The following MYO10 variants were observed in gnomAD, a reference collection of about 807,000 sequenced individuals.
MYO10 encodes unconventional myosin-X.
MYO10 carries 133 observed loss-of-function variants against 257.3 expected under a neutral mutation model. The observed-to-expected ratio is 0.52, with a 90% confidence interval of 0.45 to 0.60. MYO10 has a LOEUF of 0.60. Among genes scored for constraint, MYO10 ranks in the 20% least tolerant of loss-of-function variants. The probability of loss-of-function intolerance (pLI) is 0.00; values close to 1 mark genes in which losing one functional copy is unlikely to be tolerated. For missense variants in MYO10, 2,399 were observed against 2,635.7 expected (o/e 0.91, Z 1.97); for synonymous variants, 1,104 against 1,028.6 (o/e 1.07, Z -1.40).
In MYO10 at chr5:16,718,035, C is replaced by CCGCACT. The variant is rs552522464; in HGVS notation, c.1930-6796_1930-6791dup. On this transcript the variant is annotated intron_variant, in intron 19 of 40. Transcript: ENST00000513610. Reference sequence around the variant, plus strand: ...CGGGTGGGCGTGGGCTTGGTGGGCCCCGCACTCGGAGCAGCCAGCCAGCCC... The same window carrying CCGCACT: ...CGGGTGGGCGTGGGCTTGGTGGGCCCCGCACTCGCACTCGGAGCAGCCAGCCAGCCC... 1.5e-3 allele frequency among the ~76,000 whole-genome samples: 223 copies of CCGCACT among 152,332 alleles called. 1 individual carries two copies. The highest frequency in any genetic ancestry group is 5.1e-3 in the African/African-American group (211 of 41,576).
chr5:16,816,040 TAAA>T (rs570072651), intron 3 of MYO10, among the ~76,000 whole-genome samples: 19 of 91,958 alleles, frequency 2.1e-4, no homozygotes, highest in Admixed American at 4.8e-4. Context: ...TTTCACAGTG[TAAA>T]AAAAAAAAAA....
intron 1 of MYO10, among the ~76,000 whole-genome samples, chr5:16,886,809 G>C (rs1744909470): frequency 6.6e-6 from 1 of 151,732 alleles, no homozygotes; most frequent in African/African-American, 2.4e-5. Context: ...GCACGGGCTT[G>C]TAATCTCAGC....
intron 3 of MYO10, among the ~76,000 whole-genome samples, chr5:16,809,173 A>AG (rs1459667323): frequency 2.5e-4 from 38 of 151,882 alleles, no homozygotes; most frequent in Non-Finnish European, 4.9e-4. Flanking sequence ...TGTGGAAAAA[A>AG]AAAAAAGCCA....
intron 19 of MYO10, among the ~76,000 whole-genome samples, chr5:16,731,798 G>A (rs372148510): frequency 1.3e-5 from 2 of 152,226 alleles, no homozygotes; most frequent in South Asian, 2.1e-4. Flanking sequence ...CTTGGGATAG[G>A]GCGGCTCCCC....
At chr5:16,887,135 G>A (rs1458941467) in intron 1 of MYO10, among the ~76,000 whole-genome samples, 2 of 152,078 alleles carry the variant, frequency 1.3e-5, no homozygotes, top group African/African-American at 4.8e-5. Flanking sequence ...CACCGGATGG[G>A]AAGGATCGAA....
At chr5:16,837,970 G>C (rs1415524470) in intron 2 of MYO10, among the ~76,000 whole-genome samples, 1 of 151,950 alleles carries the variant, frequency 6.6e-6, no homozygotes, top group Non-Finnish European at 1.5e-5. Flanking sequence ...TTGTTTGGGG[G>C]CGCCACAAAC....
chr5:16,669,548 G>A (rs1458896692), intron 39 of MYO10, among the ~76,000 whole-genome samples: 1 of 152,156 alleles, frequency 6.6e-6, no homozygotes, highest in East Asian at 1.9e-4. Flanking sequence ...CGTTTTGCAG[G>A]AAGCCAAGAG....
In MYO10 at chr5:16,713,298, C is replaced by T. The variant is rs747799317; in HGVS notation, c.1930-2053G>A. 9.1e-6 allele frequency: 9 copies of T among 985,084 alleles called. No individual in the cohort carries two copies. In the African/African-American group the frequency reaches 1.6e-4, roughly 17 times the overall value. 61.0% of individuals were successfully genotyped at this position (985,084 alleles called of 1,614,324 possible). ...AACTAAAGATATTACACCAAAAGGG[C>T]CTCCCCATCCAAAAAGTTCAGCCAC... is the stretch of plus-strand genomic sequence containing the variant. On this transcript the variant is annotated intron_variant, in intron 19 of 40. Transcript: ENST00000513610.
Position 16,805,331 on chromosome 5 carries a change from G to A in MYO10, c.280-10498C>T, listed in dbSNP as rs141391159. On this transcript the variant is annotated intron_variant, in intron 3 of 40. Transcript: ENST00000513610. ...TACAAAATTAGCCAGGCGTGGTGGC[G>A]GATGCCTGTAATCCCAGCTACTCGG... Among the ~76,000 whole-genome samples the A allele has an allele frequency of 7.2e-3, 1,093 of 151,730 alleles. 10 individuals are homozygous for A. The highest frequency in any genetic ancestry group is 0.025 in the African/African-American group (1,045 of 41,372).
intron 40 of MYO10, among the ~76,000 whole-genome samples, chr5:16,667,249 G>C (rs1183976724): frequency 6.6e-6 from 1 of 152,124 alleles, no homozygotes; most frequent in African/African-American, 2.4e-5. Context: ...GGCCCCAGGG[G>C]CTGGGAGAGC....
intron 1 of MYO10, among the ~76,000 whole-genome samples, chr5:16,919,239 G>A (rs763260335): frequency 1.3e-5 from 2 of 151,976 alleles, no homozygotes; most frequent in Non-Finnish European, 2.9e-5. Flanking sequence ...TTAGCTGGTC[G>A]TGGTGGCAGG....
chr5:16,713,231 CAA>C (rs1353340326), intron 19 of MYO10: 1 of 828,138 alleles, frequency 1.2e-6, no homozygotes, highest in African/African-American at 1.8e-5. Context: ...CTCTATAGAA[CAA>C]AGTCTGTACA....
chr5:16,818,169 TGAGG>T lies in MYO10; in HGVS notation c.121-6_121-3del. ...TGTGCTCTGCTTGTAAGTGAATACC[TGAGG>T]GAGGGAGAGGAATTCAATTATTTCA... On this transcript the variant is annotated splice_region_variant and splice_polypyrimidine_tract_variant and intron_variant, in intron 2 of 40. Coordinates refer to ENST00000513610, the MANE Select transcript of MYO10 (RefSeq NM_012334.3). 1 of 1,536,376 alleles carries T rather than the reference TGAGG, an allele frequency of 6.5e-7. No homozygotes were observed. The highest frequency in any genetic ancestry group is 8.8e-7 in the Non-Finnish European group (1 of 1,133,176).
At chr5:16,806,172 C>G (rs1215023272) in intron 3 of MYO10, among the ~76,000 whole-genome samples, 1 of 151,570 alleles carries the variant, frequency 6.6e-6, no homozygotes, top group Admixed American at 6.6e-5. Flanking sequence ...TGGCAAAACC[C>G]CATCTCTATT....
chr5:16,762,029 C>T lies in MYO10; in HGVS notation c.1656+16G>A. 2 of 1,381,536 alleles carry T rather than the reference C, an allele frequency of 1.4e-6. No individual in the cohort carries two copies. The highest frequency in any genetic ancestry group is 1.4e-5 in the South Asian group (1 of 73,354). 85.6% of individuals were successfully genotyped at this position (1,381,536 alleles called of 1,614,324 possible). A position where few individuals can be genotyped will look rare whatever the true frequency, so the allele number is the denominator to read the frequency against. On this transcript the variant is annotated intron_variant, in intron 16 of 40. Transcript: ENST00000513610. ...CAAACAGGCAAATATCAATAGGTAT[C>T]TTAATAAAAAGTTACCTCTCCAGCA...
intron 1 of MYO10, chr5:16,902,533 T>G (rs776350002): frequency 1.9e-6 from 3 of 1,582,214 alleles, no homozygotes; most frequent in Admixed American, 1.7e-5. Context: ...ACGAATTTCT[T>G]GATGGCCTTG....
chr5:16,902,035 C>A (rs376515405), intron 1 of MYO10, among the ~76,000 whole-genome samples: 1 of 152,084 alleles, frequency 6.6e-6, no homozygotes, highest in African/African-American at 2.4e-5. Context: ...ATGTTCTTAC[C>A]TTTTATTTTC....
intron 2 of MYO10, among the ~76,000 whole-genome samples, chr5:16,821,991 A>AAAAAGAATAG (rs1160586810): frequency 6.6e-6 from 1 of 151,944 alleles, no homozygotes; most frequent in African/African-American, 2.4e-5. Context: ...TCAAAAAAAA[A>AAAAAGAATAG]AAAGAATAGT....
At chr5:16,727,641 A>G (rs1251804488) in intron 19 of MYO10, among the ~76,000 whole-genome samples, 1 of 152,202 alleles carries the variant, frequency 6.6e-6, no homozygotes, top group Non-Finnish European at 1.5e-5. Context: ...TTCTCAAACA[A>G]CATATAACTA....
Sources: allele counts gnomAD v4.1 joint callset (sites outside exome capture counted in the v4.1 genomes callset), GRCh38; gene constraint gnomAD v4.1.1; transcripts MANE v1.5; gene names NCBI Gene and HGNC (gene_info 2026-07-23, HGNC 2026-07-21).